Variants in KBTBD3 observed in about 807,000 individuals in gnomAD.
KBTBD3 encodes kelch repeat and BTB domain-containing protein 3.
A neutral mutation model predicts 49.6 loss-of-function variants in KBTBD3; 38 were observed. The ratio of observed to expected loss-of-function variants is 0.77; its 90% CI spans 0.59 to 1.00. KBTBD3 has a LOEUF of 1.00. Ranked by LOEUF, KBTBD3 falls within the 50% of genes least tolerant of loss-of-function variation. The pLI, the probability that KBTBD3 is intolerant of heterozygous loss-of-function variation, is 0.00. For synonymous variants in KBTBD3, 214 were observed against 250.4 expected (o/e 0.85, Z 1.37); for missense variants, 661 against 712.0 (o/e 0.93, Z 0.81).
intron 2 of KBTBD3, among the ~76,000 whole-genome samples, chr11:106,074,019 A>G (rs1860975663): frequency 6.6e-6 from 1 of 152,162 alleles, no homozygotes; most frequent in African/African-American, 2.4e-5. Flanking sequence ...AGTAACAAAT[A>G]TTGTGGCAGG....
Position 106,053,313 on chromosome 11 carries a change from A to T in KBTBD3, c.1376T>A (p.Leu459His). ...ATCTGTAATCTCTACCTCTGATCCA[A>T]GAACATAAATTACATTTTGGCATGT... Reference protein sequence around the residue: ...ASTCQNVIYVLGSEVEITDAF... With the variant: ...ASTCQNVIYVHGSEVEITDAF... The change falls in exon 4 of 4, where the codon CTT becomes CAT. Residue 459 changes from leucine to histidine, a missense_variant. Coordinates refer to ENST00000531837, the MANE Select transcript of KBTBD3 (RefSeq NM_198439.3). The T allele has an allele frequency of 1.9e-6, 3 of 1,613,530 alleles. No homozygotes were observed. The highest frequency in any genetic ancestry group is 2.5e-6 in the Non-Finnish European group (3 of 1,179,838).
At chr11:106,061,025 G>C (rs1046792160) in intron 2 of KBTBD3, among the ~76,000 whole-genome samples, 1 of 152,148 alleles carries the variant, frequency 6.6e-6, no homozygotes, top group African/African-American at 2.4e-5. Flanking sequence ...CTTCTCAAAA[G>C]AAGACAGTTA....
intron 3 of KBTBD3, among the ~76,000 whole-genome samples, chr11:106,055,453 A>C (rs951298902): frequency 1.3e-5 from 2 of 152,200 alleles, no homozygotes; most frequent in Admixed American, 6.6e-5. Flanking sequence ...AAAAAGTACA[A>C]CATCCAACTG....
chr11:106,054,171 G>T lies in KBTBD3; in HGVS notation c.518C>A (p.Ala173Glu). Reference protein sequence around the residue: ...SYGSTSLFDHALHFVQHHFSL... With the variant: ...SYGSTSLFDHELHFVQHHFSL... ...AAAGTGATGTTGTACAAAGTGTAAT[G>T]CATGATCAAACAAACTGGTGGAGCC... Residue 173 changes from alanine (A) to glutamate (E), a missense_variant, in exon 4 of 4, where the codon GCA becomes GAA. Transcript: ENST00000531837. 6.2e-7 allele frequency: 1 copy of T among 1,612,866 alleles called. No homozygotes were observed. The highest frequency in any genetic ancestry group is 8.5e-7 in the Non-Finnish European group (1 of 1,179,314).
chr11:106,063,082 T>C (rs1860736517), intron 2 of KBTBD3, among the ~76,000 whole-genome samples: 1 of 152,268 alleles, frequency 6.6e-6, no homozygotes, highest in Non-Finnish European at 1.5e-5. Flanking sequence ...TTAAATAAGA[T>C]GGCTATTAGC....
Position 106,059,021 on chromosome 11 carries a change from T to C in KBTBD3, c.77A>G (p.Asn26Ser). 1 of 1,559,988 alleles carries C rather than the reference T, an allele frequency of 6.4e-7. No homozygotes were observed. Among genetic ancestry groups the C allele is most frequent in the South Asian group, 1.2e-5 (1 of 81,242 alleles). Residue 26 changes from asparagine to serine, a missense_variant, in exon 3 of 4, where the codon AAC (asparagine) becomes AGC (serine). Asn to Ser is a conservative substitution (Grantham distance 46). Coordinates refer to ENST00000531837, the MANE Select transcript of KBTBD3 (RefSeq NM_198439.3). The part of the protein sequence containing the change: ...TCNGIPSEKK[N>S]NFLVSEDHGQ... The stretch of plus-strand genomic sequence containing the variant: ...ATGATCTTCTGATACAAGGAAGTTG[T>C]TTTTCTTCTCAGATGGAATTCCATT...
chr11:106,075,434 T>G (rs145772699), intron 2 of KBTBD3: 1 of 152,232 alleles, frequency 6.6e-6, no homozygotes, highest in African/African-American at 2.4e-5. Context: ...AAGGTATACA[T>G]GACATTCCCT....
At chr11:106,060,438 A>G (rs1591535527) in intron 2 of KBTBD3, among the ~76,000 whole-genome samples, 1 of 152,180 alleles carries the variant, frequency 6.6e-6, no homozygotes, top group Admixed American at 6.5e-5. Context: ...CTAGATTCTC[A>G]TATCTGCTTC....
At chr11:106,072,669 T>G (rs1301458770) in intron 2 of KBTBD3, among the ~76,000 whole-genome samples, 1 of 152,156 alleles carries the variant, frequency 6.6e-6, no homozygotes, top group Non-Finnish European at 1.5e-5. Flanking sequence ...ATATGCCACT[T>G]GATAAAAGCA....
rs746342832 is a variant in KBTBD3, at chr11:106,053,397, G to A, written c.1292C>T (p.Ser431Phe). 18 of 1,613,300 alleles carry A rather than the reference G, an allele frequency of 1.1e-5. No individual in the cohort carries two copies. The South Asian group carries it at 2.0e-4, about 18-fold the overall frequency. Residue 431 changes from serine to phenylalanine, a missense_variant, in exon 4 of 4, where the codon TCC (serine) becomes TTC (phenylalanine). Ser to Phe is a radical substitution (Grantham distance 155). Coordinates refer to ENST00000531837, the MANE Select transcript of KBTBD3 (RefSeq NM_198439.3). The part of the protein sequence containing the change: ...LLDVESYNPL[S>F]KEWISVSPLP... ...TGGGCTAACAGATATCCATTCTTTG[G>A]AAAGAGGATTGTAAGATTCAACATC...
chr11:106,061,125 G>A (rs1003832210), intron 2 of KBTBD3, among the ~76,000 whole-genome samples: 2 of 152,146 alleles, frequency 1.3e-5, no homozygotes, highest in South Asian at 4.1e-4. Context: ...GTGGCTAGCT[G>A]GTGCTTCTTC....
In KBTBD3 at chr11:106,063,146, T is replaced by C. The variant is rs1175450870; in HGVS notation, c.-12-4037A>G. 2.6e-5 allele frequency among the ~76,000 whole-genome samples: 4 copies of C among 152,360 alleles called. No individual in the cohort carries two copies. In the East Asian group the frequency reaches 7.7e-4, roughly 29 times the overall value. On this transcript the variant is annotated intron_variant, in intron 2 of 3. Transcript: ENST00000531837. ...TTATGTAAGAGAACTGAAACTTAAC[T>C]TGGAAACATTTATTGTAACTGACTT...
intron 2 of KBTBD3, among the ~76,000 whole-genome samples, chr11:106,070,686 A>C (rs1311922232): frequency 1.3e-5 from 2 of 152,100 alleles, no homozygotes; most frequent in Non-Finnish European, 2.9e-5. Flanking sequence ...AAACATACAC[A>C]TACCATATTA....
At chr11:106,068,907 C>T (rs1214109086) in intron 2 of KBTBD3, among the ~76,000 whole-genome samples, 8 of 151,974 alleles carry the variant, frequency 5.3e-5, no homozygotes, top group African/African-American at 1.7e-4. Flanking sequence ...ATTTGAATAC[C>T]GATTAGTGTA....
At chr11:106,057,313 T>C (rs1029087271) in intron 3 of KBTBD3, 1 of 152,202 alleles carries the variant, frequency 6.6e-6, no homozygotes, top group Non-Finnish European at 1.5e-5. Context: ...AAAATATGCA[T>C]CTTAGTATTT....
chr11:106,059,687 T>C (rs752040599), intron 2 of KBTBD3, among the ~76,000 whole-genome samples: 1 of 152,186 alleles, frequency 6.6e-6, no homozygotes, highest in Non-Finnish European at 1.5e-5. Context: ...TATTTAAAAG[T>C]AGAAAGGAAA....
intron 2 of KBTBD3, among the ~76,000 whole-genome samples, chr11:106,066,839 T>C (rs1860819048): frequency 1.4e-5 from 2 of 148,034 alleles, no homozygotes; most frequent in East Asian, 2.0e-4. Context: ...ACAACAACAA[T>C]AACGAAAAAC....
At chr11:106,073,258 C>CTTTTTTTTTTTTTTTT (rs374062847) in intron 2 of KBTBD3, among the ~76,000 whole-genome samples, 1 of 113,110 alleles carries the variant, frequency 8.8e-6, no homozygotes, top group Non-Finnish European at 1.7e-5. Context: ...GCACACTCAG[C>CTTTTTTTTTTTTTTTT]TTTTTTTTTT....
rs9666746 is a variant in KBTBD3 at position 106,063,917 on chromosome 11, G to A, written c.-12-4808C>T. ...CTGCACTCCAGCCTGGTGACAGAGA[G>A]AGACTCTGTCTCAAAAAGAAACGTA... On this transcript the variant is annotated intron_variant, in intron 2 of 3. Coordinates refer to ENST00000531837, the MANE Select transcript of KBTBD3 (RefSeq NM_198439.3). Among the ~76,000 whole-genome samples, 388 of 152,282 alleles carry A rather than the reference G, an allele frequency of 2.5e-3. 1 individual carries two copies. The highest frequency in any genetic ancestry group is 8.2e-3 in the African/African-American group (341 of 41,566).
Sources: gnomAD v4.1 joint callset for allele counts (sites outside exome capture counted in the v4.1 genomes callset) on GRCh38, gnomAD v4.1.1 for gene constraint, MANE v1.5 for transcripts, NCBI Gene and HGNC (gene_info 2026-07-23, HGNC 2026-07-21) for gene names.